Variants in STIM1 observed in about 807,000 individuals in gnomAD.
The protein encoded by STIM1 is stromal interaction molecule 1.
In STIM1, 25 loss-of-function variants were observed where a neutral mutation model predicts 74.7. That is an observed-to-expected ratio of 0.33 (90% confidence interval 0.24 to 0.47). The LOEUF (loss-of-function observed/expected upper bound fraction) is 0.47. Among genes scored for constraint, STIM1 ranks in the 20% least tolerant of loss-of-function variants. The pLI is 1.00. For synonymous variants in STIM1, 328 were observed against 348.8 expected, an observed-to-expected ratio of 0.94 and a Z score of 0.66; for missense variants, 728 against 920.8, an observed-to-expected ratio of 0.79 and a Z score of 2.71.
chr11:4,067,853 T>C (rs1318520518), intron 5 of STIM1, among the ~76,000 whole-genome samples: 1 of 152,262 alleles, frequency 6.6e-6, no homozygotes, highest in Non-Finnish European at 1.5e-5. Flanking sequence ...CCAAGATTTA[T>C]TGAGTGACTT....
intron 3 of STIM1, among the ~76,000 whole-genome samples, chr11:4,044,314 C>T (rs1458485017): frequency 6.6e-6 from 1 of 152,218 alleles, no homozygotes; most frequent in Admixed American, 6.5e-5. Flanking sequence ...TGCAGCCTGT[C>T]ACTGATAGCC....
intron 3 of STIM1, among the ~76,000 whole-genome samples, chr11:4,024,446 T>C (rs1286306734): frequency 2.0e-5 from 3 of 152,224 alleles, no homozygotes; most frequent in Non-Finnish European, 4.4e-5. Flanking sequence ...AAAGCTTTTC[T>C]ATACCATTTT....
intron 5 of STIM1, among the ~76,000 whole-genome samples, chr11:4,068,864 C>T (rs1312360694): frequency 6.6e-6 from 1 of 152,214 alleles, no homozygotes; most frequent in Non-Finnish European, 1.5e-5. Flanking sequence ...GGTGTCTTGA[C>T]CTTCCCTTAA....
chr11:3,888,182 A>G (rs2091786149), intron 1 of STIM1: 2 of 152,162 alleles, frequency 1.3e-5, no homozygotes, highest in Non-Finnish European at 2.9e-5. Context: ...TGCTTGAGTT[A>G]AGGAGTGAGG....
intron 1 of STIM1, among the ~76,000 whole-genome samples, chr11:3,948,707 T>C (rs1472175506): frequency 2.0e-5 from 3 of 152,192 alleles, no homozygotes; most frequent in East Asian, 3.8e-4. Context: ...TAAATACGTC[T>C]ATCTTATTCC....
Position 4,040,402 on chromosome 11 carries a change from C to G in STIM1, c.386-15124C>G, listed in dbSNP as rs571549415. On this transcript the variant is annotated intron_variant, in intron 3 of 12. Coordinates refer to ENST00000526596, the MANE Select transcript of STIM1 (RefSeq NM_001382567.1). ...CATGGTGCTTTCATATATGCTGTTT[C>G]CTCTATTCATCTTTCTCATTTGTTG... is the stretch of plus-strand genomic sequence containing the variant. Among the ~76,000 whole-genome samples, 10 of 152,198 alleles carry G rather than the reference C, an allele frequency of 6.6e-5. No individual in the cohort carries two copies. The East Asian group carries it at 1.7e-3, about 26-fold the overall frequency.
intron 3 of STIM1, among the ~76,000 whole-genome samples, chr11:4,041,775 C>T (rs1040093423): frequency 2.0e-5 from 3 of 152,002 alleles, no homozygotes; most frequent in Admixed American, 6.6e-5. Context: ...TTTGTAGAGA[C>T]GAGGTCTCAC....
At chr11:3,906,526 G>A (rs563666707) in intron 1 of STIM1, among the ~76,000 whole-genome samples, 9 of 152,256 alleles carry the variant, frequency 5.9e-5, no homozygotes, top group South Asian at 2.1e-4. Flanking sequence ...ATTCTAAAGC[G>A]TATTGTTCTG....
At chr11:3,974,453 A>G (rs1590614902) in intron 2 of STIM1, among the ~76,000 whole-genome samples, 1 of 145,148 alleles carries the variant, frequency 6.9e-6, no homozygotes, top group South Asian at 2.4e-4. Context: ...AGGCAGGAGG[A>G]TTGCTTGAGC....
chr11:3,939,749 A>C (rs2092981931), intron 1 of STIM1, among the ~76,000 whole-genome samples: 1 of 152,212 alleles, frequency 6.6e-6, no homozygotes, highest in African/African-American at 2.4e-5. Flanking sequence ...ATCAGAACAT[A>C]GAACTAGGAA....
intron 3 of STIM1, among the ~76,000 whole-genome samples, chr11:4,030,999 C>T (rs1023816936): frequency 1.3e-5 from 2 of 152,158 alleles, no homozygotes; most frequent in Non-Finnish European, 2.9e-5. Context: ...ACCATCACTG[C>T]ATTAAAGATG....
At chr11:4,074,139 T>C (rs1411363758) in intron 6 of STIM1, among the ~76,000 whole-genome samples, 1 of 152,198 alleles carries the variant, frequency 6.6e-6, no homozygotes, top group Admixed American at 6.5e-5. Flanking sequence ...TATCTGCCTG[T>C]CCCAGGCTGA....
intron 10 of STIM1, 23 bp downstream of exon 10, chr11:4,083,521 T>C (rs771053822): frequency 6.3e-7 from 1 of 1,597,976 alleles, no homozygotes; most frequent in South Asian, 1.1e-5. Context: ...TTTGCGGGGA[T>C]GAAGGAAGGA....
intron 6 of STIM1, among the ~76,000 whole-genome samples, chr11:4,071,077 G>A (rs1341482069): frequency 6.6e-6 from 1 of 152,208 alleles, no homozygotes; most frequent in Non-Finnish European, 1.5e-5. Context: ...TTAAAGATGG[G>A]TAGCGAGGTC....
intron 2 of STIM1, among the ~76,000 whole-genome samples, chr11:3,976,457 A>G (rs141782548): frequency 2.0e-5 from 3 of 152,242 alleles, no homozygotes; most frequent in Non-Finnish European, 4.4e-5. Context: ...TTCTGTGTCC[A>G]GATTGCAAGG....
chr11:4,060,587 A>G (rs990905083), intron 5 of STIM1, among the ~76,000 whole-genome samples: 47 of 152,126 alleles, frequency 3.1e-4, no homozygotes, highest in Admixed American at 2.9e-3. Context: ...CTTCATTGGT[A>G]GGTTTTGAAT....
At chr11:3,905,445 G>A (rs1015069234) in intron 1 of STIM1, among the ~76,000 whole-genome samples, 2 of 151,828 alleles carry the variant, frequency 1.3e-5, no homozygotes, top group Non-Finnish European at 1.5e-5. Context: ...AAGAGATTGA[G>A]AAATGTAGCC....
In STIM1 at chr11:3,869,007, C is replaced by T. The variant is rs547026700; in HGVS notation, c.139+12598C>T. 7.2e-5 allele frequency among the ~76,000 whole-genome samples: 11 copies of T among 151,886 alleles called. No individual in the cohort carries two copies. In the East Asian group the frequency reaches 1.4e-3, roughly 19 times the overall value. On this transcript the variant is annotated intron_variant, in intron 1 of 12. Coordinates refer to ENST00000526596, the MANE Select transcript of STIM1 (RefSeq NM_001382567.1). ...TTTTTTTGACCGAGTCTCACTCTGT[C>T]GCCCAGGCTGGAGTGCAGTGGCGCC... is the stretch of plus-strand genomic sequence containing the variant.
intron 3 of STIM1, among the ~76,000 whole-genome samples, chr11:4,039,118 G>T (rs1002414467): frequency 6.6e-6 from 1 of 151,960 alleles, no homozygotes; most frequent in Non-Finnish European, 1.5e-5. Flanking sequence ...GATATCCAAA[G>T]CTTAGTAATT....
Sources: allele counts gnomAD v4.1 joint callset (sites outside exome capture counted in the v4.1 genomes callset), GRCh38; gene constraint gnomAD v4.1.1; transcripts MANE v1.5; gene names NCBI Gene and HGNC (gene_info 2026-07-23, HGNC 2026-07-21).